Variants in ROS1 observed in about 807,000 individuals in gnomAD.
ROS1 encodes the protein proto-oncogene tyrosine-protein kinase ROS.
ROS1 carries 263 observed loss-of-function variants against 273.5 expected under a neutral mutation model. The ratio of observed to expected loss-of-function variants is 0.96; its 90% CI spans 0.87 to 1.06. ROS1 has a LOEUF of 1.06. ROS1 is among the 50% of genes least tolerant of loss of function. ROS1 has a pLI of 0.00. For synonymous variants in ROS1, 1,008 were observed against 954.1 expected (o/e 1.06, Z -1.04); for missense variants, 2,833 against 2,751.1 (o/e 1.03, Z -0.67).
At position 117,389,697 on chromosome 6, in the gene ROS1, T is replaced by C. The variant is rs747288191; in HGVS notation, c.1439A>G (p.Asn480Ser). The change falls in exon 13 of 44, where the codon AAT becomes AGT. Residue 480 changes from asparagine (N) to serine (S), a missense_variant. Physicochemically the swap from Asn to Ser is conservative, Grantham distance 46. Transcript: ENST00000368507. ...TGACATGAAGACTTGGGCAGTGTCA[T>C]TGAAGTAAATGATTCGCTTGGCTTG... ...KPQAKRIIYF[N>S]DTAQVFMSTF... 1.2e-6 allele frequency: 2 copies of C among 1,614,156 alleles called. No individual in the cohort carries two copies. Among genetic ancestry groups the C allele is most frequent in the Non-Finnish European group, 1.7e-6 (2 of 1,180,028 alleles).
intron 22 of ROS1, among the ~76,000 whole-genome samples, chr6:117,360,689 T>C (rs1779728633): frequency 6.6e-6 from 1 of 152,176 alleles, no homozygotes; most frequent in African/African-American, 2.4e-5. Flanking sequence ...GGATTTAATG[T>C]ACAGCATGGA....
At chr6:117,394,082 G>C (rs936457197) in intron 11 of ROS1, 80 bp downstream of exon 11, 16 of 866,036 alleles carry the variant, frequency 1.8e-5, no homozygotes, top group Middle Eastern at 3.6e-4. Flanking sequence ...TAAGGCAATT[G>C]TGTTTAGTAT....
Position 117,353,139 on chromosome 6 carries a change from T to A in ROS1, c.4154A>T (p.Asp1385Val), listed in dbSNP as rs750846787. The A allele has an allele frequency of 1.7e-5, 28 of 1,612,430 alleles. No individual in the cohort carries two copies. Among genetic ancestry groups the A allele is most frequent in the Non-Finnish European group, 2.1e-5 (25 of 1,179,220 alleles). Residue 1385 changes from aspartate (D) to valine (V), a missense_variant, in exon 27 of 44, where the codon GAT becomes GTT. Transcript: ENST00000368507. ...LGKTLVSLTV[D>V]GDLIYWIITA... The stretch of plus-strand genomic sequence containing the variant: ...GATGATCCAGTATATAAGATCTCCA[T>A]CCACAGTTAAGCTAACAAGGGTTTT...
intron 4 of ROS1, among the ~76,000 whole-genome samples, chr6:117,413,322 T>C (rs890397325): frequency 6.6e-6 from 1 of 152,190 alleles, no homozygotes; most frequent in Non-Finnish European, 1.5e-5. Flanking sequence ...GCTCTCAAAC[T>C]CCTGACCTCC....
chr6:117,347,665 C>A (rs1778488992), intron 27 of ROS1, among the ~76,000 whole-genome samples: 1 of 151,938 alleles, frequency 6.6e-6, no homozygotes, highest in Admixed American at 6.6e-5. Context: ...AGTGAGAAAG[C>A]CTCTAATTTC....
At chr6:117,315,887 TG>T (rs1775885373) in intron 39 of ROS1, among the ~76,000 whole-genome samples, 1 of 152,144 alleles carries the variant, frequency 6.6e-6, no homozygotes, top group Non-Finnish European at 1.5e-5. Context: ...TGTCTGATAC[TG>T]TTAGCCATAT....
intron 31 of ROS1, among the ~76,000 whole-genome samples, chr6:117,340,812 T>C (rs570166736): frequency 6.6e-6 from 1 of 152,234 alleles, no homozygotes; most frequent in Admixed American, 6.5e-5. Context: ...TTTTCATTTT[T>C]TTTTCATGGA....
intron 32 of ROS1, among the ~76,000 whole-genome samples, chr6:117,336,684 G>A (rs1270954940): frequency 6.6e-6 from 1 of 152,090 alleles, no homozygotes; most frequent in African/African-American, 2.4e-5. Flanking sequence ...CTTTGGGTAT[G>A]TAACTAGTAA....
Position 117,409,994 on chromosome 6 carries a change from T to G in ROS1, c.256-352A>C, listed in dbSNP as rs1312731969. On this transcript the variant is annotated intron_variant, in intron 4 of 43. Transcript: ENST00000368507. ...TTTTTAGAAGTTTTATTGAAATATA[T>G]TCACCTGCCATAAACTCACGTATTT... Among the ~76,000 whole-genome samples, 3 of 152,218 alleles carry G rather than the reference T, an allele frequency of 2.0e-5. No homozygotes were observed. The East Asian group carries it at 5.8e-4, about 29-fold the overall frequency.
intron 31 of ROS1, among the ~76,000 whole-genome samples, chr6:117,338,384 A>G: frequency 6.6e-6 from 1 of 152,180 alleles, no homozygotes; most frequent in Non-Finnish European, 1.5e-5. Context: ...AAAACTTAAA[A>G]AAATAGAACT....
intron 26 of ROS1, 145 bp from the exon 27 acceptor site, chr6:117,353,311 T>G: frequency 1.6e-6 from 1 of 622,050 alleles, no homozygotes; most frequent in Non-Finnish European, 2.7e-6. Flanking sequence ...TTATTTTATG[T>G]CATTTGACTA....
chr6:117,312,406 T>G (rs1294877691), intron 39 of ROS1, among the ~76,000 whole-genome samples: 1 of 152,132 alleles, frequency 6.6e-6, no homozygotes, highest in Admixed American at 6.6e-5. Context: ...ATGGTTCTGC[T>G]CAGCCACACC....
intron 18 of ROS1, 59 bp from the exon 19 acceptor site, chr6:117,366,349 T>C: frequency 8.4e-7 from 1 of 1,185,144 alleles, no homozygotes; most frequent in Non-Finnish European, 1.3e-6. Context: ...GGCTGGTCCA[T>C]GCAAGTAGTC....
intron 1 of ROS1, 137 bp downstream of exon 1, chr6:117,425,394 AAAT>A: frequency 1.3e-6 from 1 of 754,952 alleles, no homozygotes; most frequent in Non-Finnish European, 2.0e-6. Flanking sequence ...ATTTAAGAAA[AAAT>A]AATCTATCTT....
rs1775433158 is a variant in ROS1 at position 117,310,217 on chromosome 6, T to A, written c.6280A>T (p.Ile2094Phe). The A allele has an allele frequency of 6.2e-7, 1 of 1,613,350 alleles. No individual in the cohort carries two copies. Among genetic ancestry groups the A allele is most frequent in the Non-Finnish European group, 8.5e-7 (1 of 1,179,544 alleles). Reference protein sequence around the residue: ...KDYTSPRIVKIGDFGLARDIY... With the variant: ...KDYTSPRIVKFGDFGLARDIY... ...TCTCTGGCGAGTCCAAAGTCTCCAATCTTCACTATCCGTGGACTGGTATAG... is the reference window on the plus strand; with the variant it reads ...TCTCTGGCGAGTCCAAAGTCTCCAAACTTCACTATCCGTGGACTGGTATAG... The change falls in exon 41 of 44, where the codon ATT becomes TTT. Residue 2094 changes from isoleucine (I) to phenylalanine (F), a missense_variant. By Grantham distance (21) the Ile-to-Phe change is conservative (BLOSUM62 0). Transcript: ENST00000368507.
At chr6:117,363,540 T>C (rs192704896) in intron 21 of ROS1, among the ~76,000 whole-genome samples, 7 of 152,252 alleles carry the variant, frequency 4.6e-5, no homozygotes, top group African/African-American at 1.7e-4. Flanking sequence ...AAGGTCTTCA[T>C]TCCCTCCCTC....
At chr6:117,423,446 C>A (rs985254220) in intron 1 of ROS1, among the ~76,000 whole-genome samples, 39 of 152,164 alleles carry the variant, frequency 2.6e-4, no homozygotes, top group African/African-American at 9.4e-4. Flanking sequence ...ACCGTGAATT[C>A]TTTTTTCTTT....
chr6:117,375,640 T>C (rs185268700), intron 18 of ROS1, among the ~76,000 whole-genome samples: 1 of 151,918 alleles, frequency 6.6e-6, no homozygotes, highest in African/African-American at 2.4e-5. Context: ...TAAAAGTAAA[T>C]AAATGGAAAT....
chr6:117,425,631 G>T lies in ROS1; in HGVS notation c.26C>A (p.Pro9Gln). The change falls in exon 1 of 44, where the codon CCG becomes CAG. Residue 9 changes from proline (P) to glutamine (Q), a missense_variant. Physicochemically the swap from Pro to Gln is moderately conservative, Grantham distance 76 (BLOSUM62 -1). Coordinates refer to ENST00000368507, the MANE Select transcript of ROS1 (RefSeq NM_001378902.1). ...AAGAGTTGCAAAATTGACAAGCTTCGGAATAAGACAGTAAATGTTCTTCAT... is the reference window on the plus strand; with the variant it reads ...AAGAGTTGCAAAATTGACAAGCTTCTGAATAAGACAGTAAATGTTCTTCAT... The part of the protein sequence containing the change: MKNIYCLI[P>Q]KLVNFATLGC... 1.2e-6 allele frequency: 2 copies of T among 1,611,426 alleles called. No homozygotes were observed. Among genetic ancestry groups the T allele is most frequent in the South Asian group, 1.1e-5 (1 of 90,292 alleles).
Sources: gnomAD v4.1 joint callset for allele counts (sites outside exome capture counted in the v4.1 genomes callset) on GRCh38, gnomAD v4.1.1 for gene constraint, MANE v1.5 for transcripts, NCBI Gene and HGNC (gene_info 2026-07-23, HGNC 2026-07-21) for gene names.